DPP10: variants seen among roughly 807,000 people sequenced by gnomAD.
DPP10 encodes dipeptidyl peptidase like 10, also known as inactive dipeptidyl peptidase 10.
A neutral mutation model predicts 120.9 loss-of-function variants in DPP10; 33 were observed. The ratio of observed to expected loss-of-function variants is 0.27; its 90% confidence interval spans 0.21 to 0.37. The LOEUF (loss-of-function observed/expected upper bound fraction) is 0.37, where lower values mean the gene tolerates loss of function less well. DPP10 is among the 10% of genes least tolerant of loss of function. The probability of loss-of-function intolerance (pLI) is 1.00; values close to 1 mark genes in which losing one functional copy is unlikely to be tolerated. For missense variants in DPP10, 816 were observed against 942.8 expected, an observed-to-expected ratio of 0.87 and a Z score of 1.76; for synonymous variants, 337 against 326.1, an observed-to-expected ratio of 1.03 and a Z score of -0.36.
At chr2:115,583,762 C>A (rs577452089) in intron 5 of DPP10, among the ~76,000 whole-genome samples, 1 of 152,220 alleles carries the variant, frequency 6.6e-6, no homozygotes, top group South Asian at 2.1e-4. Flanking sequence ...AAAAACATCA[C>A]CAAATTTGTG....
intron 5 of DPP10, among the ~76,000 whole-genome samples, chr2:115,568,178 C>CA (rs1230340872): frequency 4.8e-5 from 4 of 82,756 alleles, no homozygotes; most frequent in Admixed American, 1.4e-4. Flanking sequence ...GACTCCGTCT[C>CA]AAAAAAAAGA....
intron 1 of DPP10, among the ~76,000 whole-genome samples, chr2:114,941,739 T>A (rs1356426908): frequency 6.6e-6 from 1 of 152,096 alleles, no homozygotes; most frequent in Non-Finnish European, 1.5e-5. Flanking sequence ...CTATACCAGG[T>A]AATAGACTCA....
chr2:115,678,409 T>C (rs1175985847), intron 5 of DPP10, among the ~76,000 whole-genome samples: 1 of 152,222 alleles, frequency 6.6e-6, no homozygotes, highest in East Asian at 1.9e-4. Flanking sequence ...TGGCCATTGC[T>C]TCAGGTGCAA....
chr2:114,666,064 A>G (rs925320176), intron 1 of DPP10, among the ~76,000 whole-genome samples: 6 of 152,170 alleles, frequency 3.9e-5, no homozygotes, highest in African/African-American at 1.4e-4. Flanking sequence ...TTTATCTTAT[A>G]TATACTAGTT....
At position 115,508,427 on chromosome 2, in the gene DPP10, T is replaced by C. The variant is rs192385087; in HGVS notation, c.366+8823T>C. ...ATCTCATTATGTATTAAGGGAGATA[T>C]GCACTAATCAAATAATTAGATATAT... On this transcript the variant is annotated intron_variant, in intron 4 of 25. Transcript: ENST00000410059. Among the ~76,000 whole-genome samples the C allele has an allele frequency of 1.6e-3, 245 of 152,276 alleles. 1 individual carries two copies. Among genetic ancestry groups the C allele is most frequent in the African/African-American group, 5.2e-3 (216 of 41,560 alleles).
rs138408072 is a variant in DPP10, at chr2:115,151,808, C to G, written c.61-157431C>G. 2.5e-3 allele frequency among the ~76,000 whole-genome samples: 383 copies of G among 150,956 alleles called. 3 individuals carry two copies. Among genetic ancestry groups the G allele is most frequent in the Non-Finnish European group, 1.3e-3 (85 of 67,830 alleles). On this transcript the variant is annotated intron_variant, in intron 1 of 25. Transcript: ENST00000410059. ...TCTTTTTGCCATCTATAATACATGT[C>G]ACATTTTCTTGAAACCTCTTTCTTT...
chr2:115,567,722 C>T (rs1427208267), intron 5 of DPP10, among the ~76,000 whole-genome samples: 8 of 152,060 alleles, frequency 5.3e-5, no homozygotes, highest in Admixed American at 1.3e-4. Context: ...CATTCATTTC[C>T]GAGTCAAAGG....
At chr2:115,234,497 T>A (rs1054085862) in intron 1 of DPP10, 1 of 152,612 alleles carries the variant, frequency 6.6e-6, no homozygotes, top group Admixed American at 6.5e-5. Flanking sequence ...TTTACTAAAC[T>A]GGCCCTGAAA....
intron 1 of DPP10, among the ~76,000 whole-genome samples, chr2:114,919,298 CTT>C (rs1220610084): frequency 6.6e-6 from 1 of 152,178 alleles, no homozygotes; most frequent in Non-Finnish European, 1.5e-5. Flanking sequence ...CACTTTCACT[CTT>C]TTGTCTCACT....
chr2:115,148,770 G>A lies in DPP10; in HGVS notation c.61-160469G>A, dbSNP rs182795444. Among the ~76,000 whole-genome samples the A allele has an allele frequency of 1.9e-4, 29 of 152,212 alleles. No individual in the cohort carries two copies. The East Asian group carries it at 4.8e-3, about 25-fold the overall frequency. On this transcript the variant is annotated intron_variant, in intron 1 of 25. Coordinates refer to ENST00000410059, the MANE Select transcript of DPP10 (RefSeq NM_020868.6). ...TTATAAGGCAAATACCATCTTAACC[G>A]CTACGCATGTCAAAGAATGAAATCT...
At chr2:114,935,670 G>C (rs547263490) in intron 1 of DPP10, among the ~76,000 whole-genome samples, 2 of 145,702 alleles carry the variant, frequency 1.4e-5, no homozygotes, top group Admixed American at 1.4e-4. Flanking sequence ...TGATCCTTTC[G>C]GTTATTTGCT....
At chr2:114,955,858 A>G (rs1478054782) in intron 1 of DPP10, among the ~76,000 whole-genome samples, 6 of 152,354 alleles carry the variant, frequency 3.9e-5, no homozygotes, top group Admixed American at 2.6e-4. Context: ...GATCATTTCA[A>G]TAGACACAGA....
At chr2:115,022,760 G>A (rs149712185) in intron 1 of DPP10, among the ~76,000 whole-genome samples, 12 of 152,188 alleles carry the variant, frequency 7.9e-5, no homozygotes, top group African/African-American at 2.6e-4. Flanking sequence ...ATACTATAAG[G>A]CCATAGTCAT....
At chr2:115,259,988 A>G (rs2059179322) in intron 1 of DPP10, among the ~76,000 whole-genome samples, 1 of 151,468 alleles carries the variant, frequency 6.6e-6, no homozygotes, top group Non-Finnish European at 1.5e-5. Context: ...GTTTTACCTT[A>G]TATAATTACA....
chr2:115,401,237 A>G (rs2104482955), intron 3 of DPP10, among the ~76,000 whole-genome samples: 1 of 152,224 alleles, frequency 6.6e-6, no homozygotes, highest in South Asian at 2.1e-4. Context: ...CCTTATGGAA[A>G]CAAAGCCTTT....
chr2:115,193,557 G>A (rs2055033957), intron 1 of DPP10, among the ~76,000 whole-genome samples: 1 of 152,192 alleles, frequency 6.6e-6, no homozygotes, highest in African/African-American at 2.4e-5. Context: ...TTATACGTGG[G>A]TGATTAATTC....
chr2:114,653,153 AAG>A (rs1696732532), intron 1 of DPP10, among the ~76,000 whole-genome samples: 1 of 151,982 alleles, frequency 6.6e-6, no homozygotes, highest in South Asian at 2.1e-4. Context: ...TATTTGGAAA[AAG>A]TGTCTTTTGC....
At chr2:115,479,069 A>G (rs948174017) in intron 3 of DPP10, among the ~76,000 whole-genome samples, 2 of 152,212 alleles carry the variant, frequency 1.3e-5, no homozygotes, top group African/African-American at 4.8e-5. Context: ...ACCCAAATGA[A>G]TTGAATGCAC....
chr2:115,454,319 G>C (rs1376883616), intron 3 of DPP10, among the ~76,000 whole-genome samples: 2 of 151,632 alleles, frequency 1.3e-5, no homozygotes, highest in African/African-American at 2.4e-5. Context: ...CATAAATGTA[G>C]AGGCGGAAGT....
Sources: allele counts gnomAD v4.1 joint callset (sites outside exome capture counted in the v4.1 genomes callset), GRCh38; gene constraint gnomAD v4.1.1; transcripts MANE v1.5; gene names NCBI Gene and HGNC (gene_info 2026-07-23, HGNC 2026-07-21).